Variants in CTNNA3 observed in about 807,000 individuals in gnomAD.
CTNNA3 encodes the protein catenin alpha-3.
A neutral mutation model predicts 95.7 loss-of-function variants in CTNNA3; 76 were observed. That is an observed-to-expected ratio of 0.79 (90% CI 0.66 to 0.96). The LOEUF is 0.96. Ranked by LOEUF, CTNNA3 falls within the 40% of genes least tolerant of loss-of-function variation. The probability of loss-of-function intolerance (pLI) is 0.00; values close to 1 mark genes in which losing one functional copy is unlikely to be tolerated. For synonymous variants in CTNNA3, 431 were observed against 374.4 expected (o/e 1.15, Z -1.74); for missense variants, 1,191 against 1,089.8 (o/e 1.09, Z -1.31).
chr10:66,115,579 T>TA (rs1398476897), intron 13 of CTNNA3, among the ~76,000 whole-genome samples: 19,176 of 118,340 alleles, frequency 0.16, 1,686 homozygotes, highest in Admixed American at 0.21. Flanking sequence ...GACAGATAGA[T>TA]GATAGATAGA....
chr10:66,551,211 T>G (rs1157031201), intron 10 of CTNNA3, among the ~76,000 whole-genome samples: 1 of 152,118 alleles, frequency 6.6e-6, no homozygotes, highest in African/African-American at 2.4e-5. Context: ...TTACCTCCCT[T>G]CCTGAATGAT....
chr10:67,521,363 G>A (rs1329204916), intron 5 of CTNNA3, among the ~76,000 whole-genome samples: 1 of 152,070 alleles, frequency 6.6e-6, no homozygotes, highest in Non-Finnish European at 1.5e-5. Flanking sequence ...TCCACACTTA[G>A]CAAATTACTC....
Position 67,579,001 on chromosome 10 carries a change from A to ATG in CTNNA3, c.292+27855_292+27856insCA, listed in dbSNP as rs911855301. 1.8e-4 allele frequency among the ~76,000 whole-genome samples: 11 copies of ATG among 61,450 alleles called. No homozygotes were observed. In the African/African-American group the frequency reaches 2.0e-3, roughly 11 times the overall value. 40.3% of individuals were successfully genotyped at this position (61,450 alleles called of 152,430 possible). A position where few individuals can be genotyped will look rare whatever the true frequency, so the allele number is the denominator to read the frequency against. On this transcript the variant is annotated intron_variant, in intron 3 of 17. Coordinates refer to ENST00000433211, the MANE Select transcript of CTNNA3 (RefSeq NM_013266.4). ...AAAACCCACCTGATCATAGTGATAT[A>ATG]TATATATATATATATATATATATAT...
At chr10:67,044,177 A>G (rs2133158209) in intron 7 of CTNNA3, among the ~76,000 whole-genome samples, 1 of 152,174 alleles carries the variant, frequency 6.6e-6, no homozygotes, top group Middle Eastern at 3.4e-3. Flanking sequence ...TCTCACTTAT[A>G]AGTGAGAACA....
intron 12 of CTNNA3, among the ~76,000 whole-genome samples, chr10:66,369,213 C>G (rs1383089655): frequency 6.6e-6 from 1 of 152,106 alleles, no homozygotes; most frequent in African/African-American, 2.4e-5. Context: ...AAAGAGGAAG[C>G]TGTAAATTAC....
chr10:67,349,143 T>C (rs1242159030), intron 5 of CTNNA3, among the ~76,000 whole-genome samples: 2 of 152,116 alleles, frequency 1.3e-5, no homozygotes, highest in Non-Finnish European at 2.9e-5. Context: ...GAAAACAACA[T>C]GAAGTTTTTT....
intron 5 of CTNNA3, among the ~76,000 whole-genome samples, chr10:67,516,097 C>T (rs995976975): frequency 1.3e-5 from 2 of 151,934 alleles, no homozygotes; most frequent in East Asian, 1.9e-4. Flanking sequence ...CGAGTAGCTG[C>T]GATTACAGTT....
intron 15 of CTNNA3, among the ~76,000 whole-genome samples, chr10:66,066,118 C>G (rs1053051232): frequency 6.6e-6 from 1 of 152,058 alleles, no homozygotes; most frequent in East Asian, 1.9e-4. Context: ...CCACCTTGGC[C>G]TCCCAAAGTG....
intron 8 of CTNNA3, among the ~76,000 whole-genome samples, chr10:66,767,045 CTTA>C (rs1839888634): frequency 6.6e-6 from 1 of 152,126 alleles, no homozygotes; most frequent in Non-Finnish European, 1.5e-5. Context: ...TACATGTAAG[CTTA>C]TTAATGACAA....
intron 7 of CTNNA3, among the ~76,000 whole-genome samples, chr10:66,783,112 C>T (rs536328441): frequency 6.6e-6 from 1 of 152,266 alleles, no homozygotes; most frequent in Admixed American, 6.5e-5. Context: ...GTACTGAGAA[C>T]ACTACACTCC....
At chr10:66,919,725 G>C (rs1319005087) in intron 7 of CTNNA3, among the ~76,000 whole-genome samples, 1 of 152,116 alleles carries the variant, frequency 6.6e-6, no homozygotes, top group Non-Finnish European at 1.5e-5. Flanking sequence ...AAAGCAAGCA[G>C]ATGGAAATCA....
rs1858986508 is a variant in CTNNA3, at chr10:67,112,941, A to G, written c.1047+67376T>C. 2.6e-5 allele frequency among the ~76,000 whole-genome samples: 4 copies of G among 152,118 alleles called. No homozygotes were observed. The South Asian group carries it at 8.3e-4, about 31-fold the overall frequency. On this transcript the variant is annotated intron_variant, in intron 7 of 17. Coordinates refer to ENST00000433211, the MANE Select transcript of CTNNA3 (RefSeq NM_013266.4). Reference sequence around the variant, plus strand: ...GGTCTGGAAAAAAGATTCCCTTGGGAAATGGTTATGCTTCATCCCCAGTGA... The same window carrying G: ...GGTCTGGAAAAAAGATTCCCTTGGGGAATGGTTATGCTTCATCCCCAGTGA...
chr10:66,574,622 G>GT (rs530319860), intron 10 of CTNNA3, among the ~76,000 whole-genome samples: 1,612 of 151,174 alleles, frequency 0.011, 10 homozygotes, highest in Non-Finnish European at 0.015. Flanking sequence ...AACAAAGGTT[G>GT]TTTTTTTTTC....
chr10:67,471,501 T>C (rs1334281550), intron 5 of CTNNA3, among the ~76,000 whole-genome samples: 1 of 152,248 alleles, frequency 6.6e-6, no homozygotes, highest in East Asian at 1.9e-4. Context: ...ATTCAGTAAT[T>C]CCTTCCCAAT....
At chr10:67,177,970 G>A (rs1862324471) in intron 7 of CTNNA3, among the ~76,000 whole-genome samples, 1 of 152,170 alleles carries the variant, frequency 6.6e-6, no homozygotes, top group African/African-American at 2.4e-5. Flanking sequence ...TTAGACAGGG[G>A]TCCCAGGCTT....
chr10:66,565,479 C>T lies in CTNNA3; in HGVS notation c.1375-44706G>A, dbSNP rs118016318. Reference sequence around the variant, plus strand: ...CTGCACTTAGAAGTAATACGTGAGACGGATCTTAATTAATATTCCATAAAG... The same window carrying T: ...CTGCACTTAGAAGTAATACGTGAGATGGATCTTAATTAATATTCCATAAAG... On this transcript the variant is annotated intron_variant, in intron 10 of 17. Coordinates refer to ENST00000433211, the MANE Select transcript of CTNNA3 (RefSeq NM_013266.4). 5.1e-3 allele frequency among the ~76,000 whole-genome samples: 775 copies of T among 152,150 alleles called. 4 individuals are homozygous for T. The highest frequency in any genetic ancestry group is 6.8e-3 in the Non-Finnish European group (462 of 67,992).
intron 5 of CTNNA3, among the ~76,000 whole-genome samples, chr10:67,223,982 T>C (rs1403273347): frequency 5.3e-5 from 8 of 151,964 alleles, no homozygotes; most frequent in Non-Finnish European, 2.9e-5. Context: ...ATTGTGTAGA[T>C]TCAAGGTGTA....
At chr10:67,040,509 A>G (rs1330682894) in intron 7 of CTNNA3, among the ~76,000 whole-genome samples, 3 of 152,212 alleles carry the variant, frequency 2.0e-5, no homozygotes, top group South Asian at 4.1e-4. Flanking sequence ...CTTCTACCCC[A>G]TGGTGACATT....
intron 7 of CTNNA3, among the ~76,000 whole-genome samples, chr10:67,170,330 T>C (rs778174267): frequency 2.0e-5 from 3 of 152,188 alleles, no homozygotes; most frequent in Non-Finnish European, 2.9e-5. Flanking sequence ...CGAATGTTCA[T>C]TGCAGCATGA....
Sources: gnomAD v4.1 joint callset for allele counts (sites outside exome capture counted in the v4.1 genomes callset) on GRCh38, gnomAD v4.1.1 for gene constraint, MANE v1.5 for transcripts, NCBI Gene and HGNC (gene_info 2026-07-23, HGNC 2026-07-21) for gene names.